The following SFT2D1 variants were observed in gnomAD, a reference collection of about 807,000 sequenced individuals.
The protein encoded by SFT2D1 is vesicle transport protein SFT2A.
In SFT2D1, 24 loss-of-function variants were observed where a neutral mutation model predicts 28.1. That is an observed-to-expected ratio of 0.85 (90% CI 0.62 to 1.20). The LOEUF (loss-of-function observed/expected upper bound fraction) is 1.20. SFT2D1 is among the 50% of genes most tolerant of loss of function. The pLI is 0.00. For synonymous variants in SFT2D1, 82 were observed against 73.7 expected (o/e 1.11, Z -0.58); for missense variants, 181 against 190.9 (o/e 0.95, Z 0.31).
chr6:166,338,318 T>C (rs534878040), intron 1 of SFT2D1, among the ~76,000 whole-genome samples: 7 of 152,328 alleles, frequency 4.6e-5, no homozygotes, highest in South Asian at 2.1e-4. Flanking sequence ...CTCATCTGTT[T>C]GTTCAACAAG....
chr6:166,332,315 C>T (rs148249990), intron 1 of SFT2D1, among the ~76,000 whole-genome samples: 33 of 152,286 alleles, frequency 2.2e-4, no homozygotes, highest in African/African-American at 7.0e-4. Flanking sequence ...GTTGCTCAGG[C>T]GCCATCTCAG....
intron 1 of SFT2D1, chr6:166,331,530 ATC>A (rs1778551567): frequency 6.6e-6 from 1 of 152,632 alleles, no homozygotes; most frequent in African/African-American, 2.4e-5. Flanking sequence ...CAGCAATGTC[ATC>A]TGTTTATGGC....
At chr6:166,323,000 TTCTC>T (rs1778385537) in intron 6 of SFT2D1, 114 bp from the exon 7 acceptor site, 2 of 807,032 alleles carry the variant, frequency 2.5e-6, no homozygotes, top group South Asian at 1.7e-5. Context: ...TGTACAGTGG[TTCTC>T]AAAGTGTGAC....
chr6:166,342,169 A>C, intron 1 of SFT2D1, among the ~76,000 whole-genome samples: 1 of 151,832 alleles, frequency 6.6e-6, no homozygotes, highest in East Asian at 1.9e-4. Context: ...ACGTTAGCGG[A>C]TTCCTAAGTC....
At chr6:166,335,544 G>C in intron 1 of SFT2D1, 2 of 440,710 alleles carry the variant, frequency 4.5e-6, no homozygotes, top group South Asian at 3.6e-5. Context: ...GGCACTGGCA[G>C]AAGATTTTAA....
intron 1 of SFT2D1, among the ~76,000 whole-genome samples, chr6:166,339,984 C>T (rs1407416597): frequency 6.6e-6 from 1 of 152,186 alleles, no homozygotes; most frequent in Non-Finnish European, 1.5e-5. Context: ...GATTTTCCTC[C>T]CTGAACCTGC....
Position 166,330,155 on chromosome 6 carries a change from A to C in SFT2D1, c.150+6T>G. 6.3e-7 allele frequency: 1 copy of C among 1,575,300 alleles called. No homozygotes were observed. Among genetic ancestry groups the C allele is most frequent in the Non-Finnish European group, 8.6e-7 (1 of 1,165,546 alleles). ...AATTATTAAACAATATAAAGCCTTAACTCACAAGAATAGAAAAGAAAACGC... is the reference window on the plus strand; with the variant it reads ...AATTATTAAACAATATAAAGCCTTACCTCACAAGAATAGAAAAGAAAACGC... On this transcript the variant is annotated splice_donor_region_variant and intron_variant, in intron 2 of 7. Transcript: ENST00000361731.
intron 3 of SFT2D1, among the ~76,000 whole-genome samples, chr6:166,329,157 G>A (rs942959995): frequency 2.0e-5 from 3 of 152,088 alleles, no homozygotes; most frequent in Non-Finnish European, 4.4e-5. Context: ...TAGGTTCATC[G>A]CCATGGGCAG....
At chr6:166,320,338 T>C in intron 7 of SFT2D1, 82 bp from the exon 8 acceptor site, 3 of 1,128,102 alleles carry the variant, frequency 2.7e-6, no homozygotes, top group Non-Finnish European at 3.9e-6. Flanking sequence ...CTAAATCACC[T>C]TTTTTAACAG....
intron 1 of SFT2D1, 50 bp downstream of exon 1, chr6:166,342,369 C>G: frequency 6.6e-7 from 1 of 1,519,102 alleles, no homozygotes; most frequent in Non-Finnish European, 8.9e-7. Context: ...CTCAGTGCGG[C>G]CGGGGCCAGC....
At chr6:166,339,196 C>T (rs754504386) in intron 1 of SFT2D1, among the ~76,000 whole-genome samples, 15 of 152,206 alleles carry the variant, frequency 9.9e-5, no homozygotes, top group South Asian at 2.1e-4. Flanking sequence ...TCTCACCTTC[C>T]GGCTAGGTTT....
chr6:166,340,285 T>C (rs1778752063), intron 1 of SFT2D1, among the ~76,000 whole-genome samples: 1 of 152,246 alleles, frequency 6.6e-6, no homozygotes, highest in African/African-American at 2.4e-5. Flanking sequence ...CTCTACAGTT[T>C]GTTCTCCACA....
At chr6:166,323,048 T>C in intron 6 of SFT2D1, 162 bp from the exon 7 acceptor site, 1 of 545,524 alleles carries the variant, frequency 1.8e-6, no homozygotes, top group Non-Finnish European at 3.3e-6. Context: ...TCTGGGAACT[T>C]GTTAAAAATG....
Position 166,330,175 on chromosome 6 carries a change from A to G in SFT2D1, c.136T>C (p.Phe46Leu), listed in dbSNP as rs770028138. The G allele has an allele frequency of 6.3e-7, 1 of 1,598,728 alleles. No individual in the cohort carries two copies. The change falls in exon 2 of 8, where the codon TTC (phenylalanine) becomes CTC (leucine). Residue 46 changes from phenylalanine (F) to leucine (L), a missense_variant. Coordinates refer to ENST00000361731, the MANE Select transcript of SFT2D1 (RefSeq NM_145169.3). ...CCTTAACTCACAAGAATAGAAAAGA[A>G]AACGCCACATACGAAGCAGATGGCA... ...WFAICFVCGV[F>L]FSILGTGLLW...
chr6:166,335,619 CAGG>C (rs977863975), intron 1 of SFT2D1: 3 of 363,146 alleles, frequency 8.3e-6, no homozygotes, highest in African/African-American at 6.4e-5. Context: ...TGACCTTGAA[CAGG>C]AGAACATAAA....
At position 166,338,231 on chromosome 6, in the gene SFT2D1, G is replaced by A. The variant is rs9364844; in HGVS notation, c.63+4188C>T. On this transcript the variant is annotated intron_variant, in intron 1 of 7. Coordinates refer to ENST00000361731, the MANE Select transcript of SFT2D1 (RefSeq NM_145169.3). ...TAGAATGTTCCGGCATTATGTTCTT[G>A]TCATCTAACTCCCAACAATTACCTT... Among the ~76,000 whole-genome samples, 33 of 152,286 alleles carry A rather than the reference G, an allele frequency of 2.2e-4. No individual in the cohort carries two copies. In the East Asian group the frequency reaches 6.0e-3, roughly 28 times the overall value.
intron 1 of SFT2D1, among the ~76,000 whole-genome samples, chr6:166,335,903 T>C (rs561429676): frequency 1.3e-5 from 2 of 152,234 alleles, no homozygotes; most frequent in Non-Finnish European, 2.9e-5. Context: ...TAGACAATAC[T>C]CACGTGTATG....
intron 1 of SFT2D1, 136 bp downstream of exon 1, chr6:166,342,283 C>G (rs1778798748): frequency 3.0e-6 from 2 of 669,944 alleles, no homozygotes; most frequent in Admixed American, 6.9e-5. Context: ...GCAGGCGGAG[C>G]CCTCCTAAAT....
At chr6:166,329,436 G>T in intron 3 of SFT2D1, 71 bp downstream of exon 3, 6 of 1,299,634 alleles carry the variant, frequency 4.6e-6, no homozygotes, top group South Asian at 1.3e-5. Flanking sequence ...ACATCCTACT[G>T]GGAAAGTGCT....
Sources: allele counts gnomAD v4.1 joint callset (sites outside exome capture counted in the v4.1 genomes callset), GRCh38; gene constraint gnomAD v4.1.1; transcripts MANE v1.5; gene names NCBI Gene and HGNC (gene_info 2026-07-23, HGNC 2026-07-21).